Variants in PTPMT1 observed in about 807,000 individuals in gnomAD.
PTPMT1 encodes the protein protein tyrosine phosphatase mitochondrial 1.
Under a neutral mutation model 17.8 loss-of-function variants are expected in PTPMT1, and 12 were observed. That is an observed-to-expected ratio of 0.67 (90% CI 0.43 to 1.09). The LOEUF is 1.09. PTPMT1 is among the 50% of genes least tolerant of loss of function. The pLI, the probability that PTPMT1 is intolerant of heterozygous loss-of-function variation, is 0.00. For missense variants in PTPMT1, 262 were observed against 266.0 expected, an observed-to-expected ratio of 0.99 and a Z score of 0.10; for synonymous variants, 132 against 116.8, an observed-to-expected ratio of 1.13 and a Z score of -0.84.
rs781105975 is a variant in PTPMT1, at chr11:47,565,779, C to A, written c.157C>A (p.Arg53=). The A allele has an allele frequency of 3.1e-6, 5 of 1,592,158 alleles. No individual in the cohort carries two copies. In the South Asian group the frequency reaches 4.5e-5, roughly 14 times the overall value. ...PTVLLGALPL[R]SLTRQLVQDE... is the part of the protein sequence containing the mutation. ...CGTGCTGCTGGGCGCGCTGCCGTTGCGGAGCTTGACGCGCCAGGTGAGCCG... is the reference window on the plus strand; with the variant it reads ...CGTGCTGCTGGGCGCGCTGCCGTTGAGGAGCTTGACGCGCCAGGTGAGCCG... The change falls in exon 1 of 4, where the codon CGG becomes AGG. Residue 53 remains arginine, a synonymous_variant. Transcript: ENST00000326674.
chr11:47,568,230 A>G (rs1184472103), intron 2 of PTPMT1, among the ~76,000 whole-genome samples: 4 of 151,946 alleles, frequency 2.6e-5, no homozygotes, highest in African/African-American at 4.8e-5. Context: ...CATTGTTTTA[A>G]TTTTAAAATG....
chr11:47,569,849 G>A lies in PTPMT1; in HGVS notation c.405G>A (p.Gly135=), dbSNP rs1232671145. The A allele has an allele frequency of 6.2e-7, 1 of 1,613,766 alleles. No homozygotes were observed. The highest frequency in any genetic ancestry group is 1.7e-5 in the Admixed American group (1 of 59,994). Reference sequence around the variant, plus strand: ...GTGTTTACGTGCATTGTAAGGCTGGGCGCTCCAGGAGTGCCACTATGGTGG... The same window carrying A: ...GTGTTTACGTGCATTGTAAGGCTGGACGCTCCAGGAGTGCCACTATGGTGG... ...GQCVYVHCKA[G]RSRSATMVAA... Residue 135 remains glycine (G), a synonymous_variant, in exon 3 of 4, where the codon GGG becomes GGA. Coordinates refer to ENST00000326674, the MANE Select transcript of PTPMT1 (RefSeq NM_175732.3).
In PTPMT1 at chr11:47,569,741, A is replaced by C; in HGVS notation, c.297A>C (p.Thr99=). 1 of 1,614,044 alleles carries C rather than the reference A, an allele frequency of 6.2e-7. No homozygotes were observed. Among genetic ancestry groups the C allele is most frequent in the Non-Finnish European group, 8.5e-7 (1 of 1,179,992 alleles). The change falls in exon 3 of 4, where the codon ACA becomes ACC. Residue 99 remains threonine (T), a synonymous_variant. Coordinates refer to ENST00000326674, the MANE Select transcript of PTPMT1 (RefSeq NM_175732.3). Reference sequence around the variant, plus strand: ...GAGTCGAGCAGCTGCGGCTCAGCACAGTAGACATGACTGGGATCCCCACCT... The same window carrying C: ...GAGTCGAGCAGCTGCGGCTCAGCACCGTAGACATGACTGGGATCCCCACCT... ...RLGVEQLRLS[T]VDMTGIPTLD...
intron 3 of PTPMT1, 118 bp downstream of exon 3, chr11:47,570,009 A>G (rs1017517829): frequency 6.6e-6 from 5 of 761,548 alleles, no homozygotes; most frequent in East Asian, 2.6e-5. Context: ...CCTGGGCAAC[A>G]TGGCAAAACC....
In PTPMT1 at chr11:47,571,658, A is replaced by C. The variant is rs778926195; in HGVS notation, c.*29A>C. The stretch of plus-strand genomic sequence containing the variant: ...ATGGGGATTAGAAAGAACTCAAGAC[A>C]CTCCTGCTTGATACAGAACAAAAAG... On this transcript the variant is annotated 3_prime_UTR_variant, in exon 4 of 4. Transcript: ENST00000326674. 6.2e-7 allele frequency: 1 copy of C among 1,608,232 alleles called. No homozygotes were observed. The highest frequency in any genetic ancestry group is 1.7e-5 in the Admixed American group (1 of 59,546).
chr11:47,571,248 T>C (rs1207465341), intron 3 of PTPMT1, among the ~76,000 whole-genome samples: 1 of 152,172 alleles, frequency 6.6e-6, no homozygotes, highest in Non-Finnish European at 1.5e-5. Flanking sequence ...GTAGAAAGAC[T>C]GACTTTCCAC....
At chr11:47,567,559 CTTTTTTTT>C in intron 2 of PTPMT1, among the ~76,000 whole-genome samples, 1 of 116,174 alleles carries the variant, frequency 8.6e-6, no homozygotes, top group Non-Finnish European at 1.8e-5. Context: ...TATTTCTTTT[CTTTTTTTT>C]TTTTTTTTTT....
rs927256833 is a variant in PTPMT1, at chr11:47,572,507, C to T, written c.*878C>T. The stretch of plus-strand genomic sequence containing the variant: ...AAGCCTGAAGGAAAACTCTTAACAC[C>T]TAATTCTTTGTGGAAAAATGATCAA... On this transcript the variant is annotated 3_prime_UTR_variant, in exon 4 of 4. Coordinates refer to ENST00000326674, the MANE Select transcript of PTPMT1 (RefSeq NM_175732.3). 5 of 172,686 alleles carry T rather than the reference C, an allele frequency of 2.9e-5. No homozygotes were observed. In the South Asian group the frequency reaches 6.1e-4, roughly 21 times the overall value. The allele number at this position is 172,686 out of a possible 1,614,324, so 10.7% of individuals were successfully genotyped here.
chr11:47,568,832 A>T (rs2097247851), intron 2 of PTPMT1, among the ~76,000 whole-genome samples: 1 of 152,048 alleles, frequency 6.6e-6, no homozygotes, highest in Non-Finnish European at 1.5e-5. Context: ...CTGGGATCAC[A>T]GGCATCCACC....
At position 47,571,521 on chromosome 11, in the gene PTPMT1, G is replaced by C; in HGVS notation, c.498G>C (p.Arg166=). The change falls in exon 4 of 4, where the codon CGG becomes CGC. Residue 166 remains arginine, a synonymous_variant. Coordinates refer to ENST00000326674, the MANE Select transcript of PTPMT1 (RefSeq NM_175732.3). ...CTGTAAGAGCCATCGCCAAGATCCGGTCATACATCCACATCAGGCCTGGCC... is the reference window on the plus strand; with the variant it reads ...CTGTAAGAGCCATCGCCAAGATCCGCTCATACATCCACATCAGGCCTGGCC... ...EEAVRAIAKI[R]SYIHIRPGQL... 6.2e-7 allele frequency: 1 copy of C among 1,613,994 alleles called. No homozygotes were observed. The highest frequency in any genetic ancestry group is 1.3e-5 in the African/African-American group (1 of 74,968).
intron 3 of PTPMT1, 143 bp downstream of exon 3, chr11:47,570,034 TACA>T (rs905818423): frequency 1.1e-4 from 72 of 643,010 alleles, no homozygotes; most frequent in African/African-American, 9.5e-4. Flanking sequence ...CTACAAAAAA[TACA>T]ACAAGTTAGC....
At chr11:47,568,284 A>G (rs2097247455) in intron 2 of PTPMT1, among the ~76,000 whole-genome samples, 1 of 152,176 alleles carries the variant, frequency 6.6e-6, no homozygotes, top group South Asian at 2.1e-4. Flanking sequence ...AAACAGTGGT[A>G]AAAAAGAGAC....
At chr11:47,568,350 T>C (rs993617360) in intron 2 of PTPMT1, among the ~76,000 whole-genome samples, 1 of 152,092 alleles carries the variant, frequency 6.6e-6, no homozygotes, top group Admixed American at 6.6e-5. Context: ...AATCTGCAGC[T>C]GAATCACTAC....
At chr11:47,567,405 C>CAA (rs547929091) in intron 2 of PTPMT1, among the ~76,000 whole-genome samples, 3 of 126,006 alleles carry the variant, frequency 2.4e-5, no homozygotes, top group Admixed American at 8.2e-5. Flanking sequence ...GTCTCCGTCT[C>CAA]AAAAAAAAAA....
rs756023056 is a variant in PTPMT1, at chr11:47,565,962, G to A, written c.231G>A (p.Thr77=). The A allele has an allele frequency of 3.1e-6, 5 of 1,601,374 alleles. No individual in the cohort carries two copies. The highest frequency in any genetic ancestry group is 4.3e-6 in the Non-Finnish European group (5 of 1,174,404). The change falls in exon 2 of 4, where the codon ACG becomes ACA. Residue 77 remains threonine, a synonymous_variant. Transcript: ENST00000326674. ...GVITMNEEYE[T]RFLCNSSQEW... ...TCACCATGAACGAGGAGTACGAGAC[G>A]AGGTTCCTGTGCAACTCTTCACAGG...
chr11:47,566,019 GC>G lies in PTPMT1; in HGVS notation c.255+36del, dbSNP rs1358885019. 1.2e-5 allele frequency: 16 copies of G among 1,374,774 alleles called. No individual in the cohort carries two copies. The Middle Eastern group carries it at 1.7e-3, about 147-fold the overall frequency. The allele number at this position is 1,374,774 out of a possible 1,614,324, so 85.2% of individuals were successfully genotyped here. ...ACCGGGCCGAGGGGCAGGCTCGGGG[GC>G]CCGCTCCCCCTCGCCCACCGCCCTG... On this transcript the variant is annotated intron_variant, in intron 2 of 3. Coordinates refer to ENST00000326674, the MANE Select transcript of PTPMT1 (RefSeq NM_175732.3).
At chr11:47,568,649 T>C (rs1462008110) in intron 2 of PTPMT1, among the ~76,000 whole-genome samples, 1 of 152,088 alleles carries the variant, frequency 6.6e-6, no homozygotes, top group African/African-American at 2.4e-5. Flanking sequence ...ATACCACTGC[T>C]CTCTGACCTG....
intron 3 of PTPMT1, 30 bp from the exon 4 acceptor site, chr11:47,571,441 C>T (rs1270638456): frequency 6.2e-7 from 1 of 1,607,936 alleles, no homozygotes; most frequent in African/African-American, 1.3e-5. Context: ...TTCTTTCTTT[C>T]TCTGCTGATT....
chr11:47,571,305 C>T (rs921726223), intron 3 of PTPMT1, among the ~76,000 whole-genome samples, 166 bp from the exon 4 acceptor site: 1 of 152,122 alleles, frequency 6.6e-6, no homozygotes. Context: ...GCAGTGGTTA[C>T]AGTACTCTCC....
Sources: gnomAD v4.1 joint callset for allele counts (sites outside exome capture counted in the v4.1 genomes callset) on GRCh38, gnomAD v4.1.1 for gene constraint, MANE v1.5 for transcripts, NCBI Gene and HGNC (gene_info 2026-07-23, HGNC 2026-07-21) for gene names.